Variants in CAMK1D observed in about 807,000 individuals in gnomAD.
The protein encoded by CAMK1D is calcium/calmodulin dependent protein kinase ID.
Under a neutral mutation model 47.7 loss-of-function variants are expected in CAMK1D, and 9 were observed. That is an observed-to-expected ratio of 0.19 (90% CI 0.11 to 0.33). The LOEUF (loss-of-function observed/expected upper bound fraction) is 0.33. CAMK1D is among the 10% of genes least tolerant of loss of function. The pLI is 1.00. For missense variants in CAMK1D, 291 were observed against 488.7 expected (o/e 0.60, Z 3.81); for synonymous variants, 184 against 184.9 (o/e 0.99, Z 0.04).
intron 1 of CAMK1D, among the ~76,000 whole-genome samples, chr10:12,534,231 A>G (rs1835898646): frequency 6.6e-6 from 1 of 152,206 alleles, no homozygotes; most frequent in Non-Finnish European, 1.5e-5. Context: ...TGTATCAATC[A>G]TGGAGTCTCG....
rs576268430 is a variant in CAMK1D at position 12,764,624 on chromosome 10, A to G, written c.438+3538A>G. 9.2e-5 allele frequency among the ~76,000 whole-genome samples: 14 copies of G among 152,276 alleles called. No individual in the cohort carries two copies. The East Asian group carries it at 2.7e-3, about 29-fold the overall frequency. On this transcript the variant is annotated intron_variant, in intron 4 of 10. Transcript: ENST00000619168. ...GGACAAGGAAGATAAAAAATCAGAA[A>G]CAACAGCATTGTCCTCTCTCTGCAC...
intron 5 of CAMK1D, among the ~76,000 whole-genome samples, chr10:12,788,971 G>C (rs2130991401): frequency 6.6e-6 from 1 of 152,346 alleles, no homozygotes; most frequent in Non-Finnish European, 1.5e-5. Context: ...GCCAGTTTCG[G>C]GGATTATCTG....
chr10:12,521,630 C>T (rs1259650003), intron 1 of CAMK1D, among the ~76,000 whole-genome samples: 1 of 152,132 alleles, frequency 6.6e-6, no homozygotes, highest in African/African-American at 2.4e-5. Context: ...TGCAGGACTT[C>T]TGTATCCCCG....
At chr10:12,404,435 C>T (rs1003244819) in intron 1 of CAMK1D, among the ~76,000 whole-genome samples, 2 of 152,166 alleles carry the variant, frequency 1.3e-5, no homozygotes, top group Admixed American at 6.5e-5. Context: ...AGAGAATATA[C>T]AGTTGTGTCT....
At chr10:12,711,383 C>G (rs1399382786) in intron 3 of CAMK1D, among the ~76,000 whole-genome samples, 1 of 152,192 alleles carries the variant, frequency 6.6e-6, no homozygotes, top group Non-Finnish European at 1.5e-5. Context: ...CTGTGATAGA[C>G]AGTAATGAAC....
chr10:12,718,344 C>T (rs1430654205), intron 3 of CAMK1D, among the ~76,000 whole-genome samples: 1 of 152,162 alleles, frequency 6.6e-6, no homozygotes, highest in African/African-American at 2.4e-5. Context: ...TGAATTTTGG[C>T]TTGATTTGTC....
chr10:12,450,168 A>AGAAG (rs200504000), intron 1 of CAMK1D, among the ~76,000 whole-genome samples: 2 of 152,020 alleles, frequency 1.3e-5, no homozygotes, highest in African/African-American at 4.8e-5. Context: ...AAAAAGGGAA[A>AGAAG]GAAGGAAGGA....
chr10:12,619,394 A>G (rs530136702), intron 2 of CAMK1D, among the ~76,000 whole-genome samples: 1 of 151,918 alleles, frequency 6.6e-6, no homozygotes, highest in East Asian at 1.9e-4. Flanking sequence ...GGTCTCAAGT[A>G]ATTCTTCTGC....
intron 5 of CAMK1D, among the ~76,000 whole-genome samples, chr10:12,777,450 G>C (rs1262189696): frequency 2.2e-5 from 3 of 136,598 alleles, no homozygotes; most frequent in Non-Finnish European, 4.5e-5. Context: ...TCAGCTCACT[G>C]CAACCTCTGC....
intron 2 of CAMK1D, among the ~76,000 whole-genome samples, chr10:12,571,453 CA>C (rs766454210): frequency 7.9e-4 from 71 of 89,724 alleles, no homozygotes; most frequent in East Asian, 5.8e-3. Context: ...GACTCCATCA[CA>C]AAAAAAAAAA....
Position 12,419,669 on chromosome 10 carries a change from C to CACACACACACAT in CAMK1D, c.92+69759_92+69760insACACACACACAT, listed in dbSNP as rs1399773555. Among the ~76,000 whole-genome samples, 24 of 151,288 alleles carry CACACACACACAT rather than the reference C, an allele frequency of 1.6e-4. 1 individual carries two copies. In the South Asian group the frequency reaches 4.6e-3, roughly 29 times the overall value. ...ACACACACACACACACACACACACACGCAAAAATAGAGTTCTTGTTAACTT... is the reference window on the plus strand; with the variant it reads ...ACACACACACACACACACACACACACACACACACACATGCAAAAATAGAGTTCTTGTTAACTT... On this transcript the variant is annotated intron_variant, in intron 1 of 10. Coordinates refer to ENST00000619168, the MANE Select transcript of CAMK1D (RefSeq NM_153498.4).
chr10:12,734,342 AAAAATATAT>A (rs1835037178), intron 3 of CAMK1D, among the ~76,000 whole-genome samples: 7 of 18,454 alleles, frequency 3.8e-4, no homozygotes, highest in Admixed American at 2.3e-3. Context: ...AAAAAAAAAA[AAAAATATAT>A]ATATATATAT....
At chr10:12,608,706 C>G (rs960148133) in intron 2 of CAMK1D, among the ~76,000 whole-genome samples, 9 of 152,214 alleles carry the variant, frequency 5.9e-5, no homozygotes, top group Admixed American at 3.9e-4. Flanking sequence ...TGCAGAATAT[C>G]AAGTTTTATA....
In CAMK1D at chr10:12,529,156, C is replaced by CGTCATA. The variant is rs534329977; in HGVS notation, c.93-24067_93-24062dup. On this transcript the variant is annotated intron_variant, in intron 1 of 10. Transcript: ENST00000619168. Reference sequence around the variant, plus strand: ...CTTGCTCTCTCATCTTCACCCTCATCGTCATAGCTGCATTTGTAAGGCACA... The same window carrying CGTCATA: ...CTTGCTCTCTCATCTTCACCCTCATCGTCATAGTCATAGCTGCATTTGTAAGGCACA... 3.3e-3 allele frequency among the ~76,000 whole-genome samples: 503 copies of CGTCATA among 152,284 alleles called. 1 individual carries two copies. The highest frequency in any genetic ancestry group is 0.012 in the African/African-American group (483 of 41,568).
chr10:12,530,706 T>G (rs1835777306), intron 1 of CAMK1D, among the ~76,000 whole-genome samples: 1 of 152,160 alleles, frequency 6.6e-6, no homozygotes, highest in Non-Finnish European at 1.5e-5. Flanking sequence ...TGCAGATTAC[T>G]TTTTCAGACC....
chr10:12,729,486 A>T (rs1438109547), intron 3 of CAMK1D, among the ~76,000 whole-genome samples: 1 of 151,838 alleles, frequency 6.6e-6, no homozygotes. Context: ...ATTTTTTTTT[A>T]AATTAGCCAG....
chr10:12,467,104 T>G (rs1307062182), intron 1 of CAMK1D, among the ~76,000 whole-genome samples: 1 of 152,030 alleles, frequency 6.6e-6, no homozygotes, highest in Non-Finnish European at 1.5e-5. Flanking sequence ...GATGCTGCCA[T>G]GTGGAACGTG....
At chr10:12,825,426 C>G in intron 9 of CAMK1D, 147 bp from the exon 10 acceptor site, 1 of 675,844 alleles carries the variant, frequency 1.5e-6, no homozygotes, top group Non-Finnish European at 2.3e-6. Flanking sequence ...GAAGAAGGGA[C>G]AACATAAGCT....
chr10:12,763,953 AC>A (rs2130912848), intron 4 of CAMK1D, among the ~76,000 whole-genome samples: 1 of 151,930 alleles, frequency 6.6e-6, no homozygotes, highest in South Asian at 2.1e-4. Context: ...TGTGGCCCCC[AC>A]CCCCACAGCC....
Sources: gnomAD v4.1 joint callset for allele counts (sites outside exome capture counted in the v4.1 genomes callset) on GRCh38, gnomAD v4.1.1 for gene constraint, MANE v1.5 for transcripts, NCBI Gene and HGNC (gene_info 2026-07-23, HGNC 2026-07-21) for gene names.